Variants in IPO7 observed in about 807,000 individuals in gnomAD.
IPO7 encodes importin-7.
In IPO7, 13 loss-of-function variants were observed where a neutral mutation model predicts 136.4. That is an observed-to-expected ratio of 0.10 (90% CI 0.06 to 0.15). The LOEUF is 0.15. IPO7 is among the 10% of genes least tolerant of loss of function. The pLI, the probability that IPO7 is intolerant of heterozygous loss-of-function variation, is 1.00. For missense variants in IPO7, 857 were observed against 1,240.6 expected, an observed-to-expected ratio of 0.69 and a Z score of 4.65; for synonymous variants, 403 against 404.4, an observed-to-expected ratio of 1.00 and a Z score of 0.04.
At chr11:9,424,497 G>A (rs1377326663) in intron 10 of IPO7, among the ~76,000 whole-genome samples, 2 of 152,178 alleles carry the variant, frequency 1.3e-5, no homozygotes, top group Non-Finnish European at 2.9e-5. Context: ...AAATCCCAAC[G>A]TGTTGGGAGG....
intron 18 of IPO7, among the ~76,000 whole-genome samples, chr11:9,434,588 G>C (rs1855344539): frequency 6.6e-6 from 1 of 152,124 alleles, no homozygotes; most frequent in African/African-American, 2.4e-5. Flanking sequence ...TTCAGTCCGG[G>C]AGTTCTCAAC....
rs561228838 is a variant in IPO7, at chr11:9,420,238, A to G, written c.727-173A>G. Reference sequence around the variant, plus strand: ...AGGCTGAGGCGGGAGAATTGTGTGAACTCGGGAGGCGGAGCTTGCAGTGAG... The same window carrying G: ...AGGCTGAGGCGGGAGAATTGTGTGAGCTCGGGAGGCGGAGCTTGCAGTGAG... On this transcript the variant is annotated intron_variant, in intron 6 of 24. Transcript: ENST00000379719. 1.3e-4 allele frequency: 65 copies of G among 518,904 alleles called. No homozygotes were observed. In the East Asian group the frequency reaches 2.0e-3, roughly 16 times the overall value. The allele number at this position is 518,904 out of a possible 1,614,324, so 32.1% of individuals were successfully genotyped here.
In IPO7 at chr11:9,431,011, G is replaced by A. The variant is rs1429015304; in HGVS notation, c.1881+8G>A. ...GTTGAAGATCATAAAGAGGTAAGAA[G>A]ATGATCTAGTGTTGCAGTTTTTCAA... On this transcript the variant is annotated splice_region_variant and intron_variant, in intron 16 of 24. Transcript: ENST00000379719. The A allele has an allele frequency of 6.2e-7, 1 of 1,610,978 alleles. No homozygotes were observed. Among genetic ancestry groups the A allele is most frequent in the Non-Finnish European group, 8.5e-7 (1 of 1,177,800 alleles).
intron 1 of IPO7, among the ~76,000 whole-genome samples, chr11:9,396,553 CAT>C (rs779512238): frequency 1.3e-5 from 2 of 152,130 alleles, no homozygotes; most frequent in Non-Finnish European, 2.9e-5. Flanking sequence ...AAAGAAAATT[CAT>C]ATCTTACCAG....
intron 1 of IPO7, among the ~76,000 whole-genome samples, chr11:9,402,156 CT>C (rs1051873213): frequency 1.3e-5 from 2 of 152,196 alleles, no homozygotes; most frequent in South Asian, 4.1e-4. Flanking sequence ...AATCCCAACA[CT>C]TTGGGAGGCC....
At position 9,406,729 on chromosome 11, in the gene IPO7, C is replaced by T. The variant is rs143072708; in HGVS notation, c.167-1757C>T. ...CTACTAAAAATACAAAAAAATTAGCCGGGTGGTAGTGGCATGCACCTGTAA... is the reference window on the plus strand; with the variant it reads ...CTACTAAAAATACAAAAAAATTAGCTGGGTGGTAGTGGCATGCACCTGTAA... On this transcript the variant is annotated intron_variant, in intron 2 of 24. Transcript: ENST00000379719. Among the ~76,000 whole-genome samples, 39 of 151,946 alleles carry T rather than the reference C, an allele frequency of 2.6e-4. No individual in the cohort carries two copies. The East Asian group carries it at 4.8e-3, about 19-fold the overall frequency.
Position 9,446,136 on chromosome 11 carries a change from T to A in IPO7, c.*942T>A, listed in dbSNP as rs1855524305. ...AAAGGTGGTATCTAGAGCATGTAAA[T>A]TGGATATAAAGTTCTGCTCTTAAAG... On this transcript the variant is annotated 3_prime_UTR_variant, in exon 25 of 25. Transcript: ENST00000379719. 1 of 152,218 alleles carries A rather than the reference T, an allele frequency of 6.6e-6. No homozygotes were observed. Among genetic ancestry groups the A allele is most frequent in the Admixed American group, 6.5e-5 (1 of 15,272 alleles). The allele number at this position is 152,218 out of a possible 1,614,324, so 9.4% of individuals were successfully genotyped here.
chr11:9,403,259 G>C lies in IPO7; in HGVS notation c.85-31G>C, dbSNP rs775568418. Reference sequence around the variant, plus strand: ...TAATTTTAAAGTATATTTATTTGCAGAAGTTTAAAATGGACTTTTTTTCTT... The same window carrying C: ...TAATTTTAAAGTATATTTATTTGCACAAGTTTAAAATGGACTTTTTTTCTT... On this transcript the variant is annotated intron_variant, in intron 1 of 24. Coordinates refer to ENST00000379719, the MANE Select transcript of IPO7 (RefSeq NM_006391.3). 38 of 1,437,944 alleles carry C rather than the reference G, an allele frequency of 2.6e-5. No homozygotes were observed. In the South Asian group the frequency reaches 4.2e-4, roughly 16 times the overall value. The allele number at this position is 1,437,944 out of a possible 1,614,324, so 89.1% of individuals were successfully genotyped here.
rs764664283 is a variant in IPO7 at position 9,428,507 on chromosome 11, CTG to C, written c.1336-31_1336-30del. 36 of 885,534 alleles carry C rather than the reference CTG, an allele frequency of 4.1e-5. 1 individual carries two copies. Among genetic ancestry groups the C allele is most frequent in the Middle Eastern group, 3.1e-4 (1 of 3,236 alleles). The allele number at this position is 885,534 out of a possible 1,614,324, so 54.9% of individuals were successfully genotyped here. The stretch of plus-strand genomic sequence containing the variant: ...GAAATTGAGATGATTATATTTGGAA[CTG>C]TATCAAAATAACTGTTGTTTATATT... On this transcript the variant is annotated intron_variant, in intron 12 of 24. Transcript: ENST00000379719.
chr11:9,407,528 C>T (rs1442284806), intron 2 of IPO7, among the ~76,000 whole-genome samples: 1 of 152,130 alleles, frequency 6.6e-6, no homozygotes, highest in Non-Finnish European at 1.5e-5. Context: ...GCACTCCAGC[C>T]TGGTGACAGA....
chr11:9,415,675 A>T (rs1207367202), intron 5 of IPO7, among the ~76,000 whole-genome samples: 1 of 151,956 alleles, frequency 6.6e-6, no homozygotes, highest in East Asian at 1.9e-4. Flanking sequence ...TGTCTCTACT[A>T]AAAATACAAA....
intron 24 of IPO7, among the ~76,000 whole-genome samples, chr11:9,443,591 CAA>C (rs55819044): frequency 1.4e-3 from 97 of 69,462 alleles, no homozygotes; most frequent in African/African-American, 3.3e-3. Context: ...AACTCCGTCT[CAA>C]AAAAAAAAAA....
At chr11:9,400,426 ATTTT>A (rs112285427) in intron 1 of IPO7, among the ~76,000 whole-genome samples, 10 of 146,652 alleles carry the variant, frequency 6.8e-5, no homozygotes, top group Non-Finnish European at 1.5e-5. Context: ...TAAATAAGTA[ATTTT>A]TTTTTTTTTC....
At chr11:9,437,348 A>G (rs12296086) in intron 20 of IPO7, among the ~76,000 whole-genome samples, 14,819 of 77,926 alleles carry the variant, frequency 0.19, 963 homozygotes, top group African/African-American at 0.24. Context: ...TCTGCCTCCC[A>G]GGTTCACGCC....
At chr11:9,426,909 G>A (rs890581632) in intron 12 of IPO7, among the ~76,000 whole-genome samples, 74 of 149,440 alleles carry the variant, frequency 5.0e-4, no homozygotes, top group Non-Finnish European at 8.9e-4. Flanking sequence ...CCGCCTCCCC[G>A]CCCCCCCGCC....
Position 9,445,284 on chromosome 11 carries a change from CT to C in IPO7, c.*91del. ...CCAGAACTGGTTCATGTTATCTATT[CT>C]AAACTAATAATCAATAGATGGACAA... is the stretch of plus-strand genomic sequence containing the variant. On this transcript the variant is annotated 3_prime_UTR_variant, in exon 25 of 25. Transcript: ENST00000379719. 1 of 631,548 alleles carries C rather than the reference CT, an allele frequency of 1.6e-6. No individual in the cohort carries two copies. Among genetic ancestry groups the C allele is most frequent in the Non-Finnish European group, 2.8e-6 (1 of 362,204 alleles). The allele number at this position is 631,548 out of a possible 1,614,324, so 39.1% of individuals were successfully genotyped here.
intron 4 of IPO7, among the ~76,000 whole-genome samples, chr11:9,413,581 TCTAA>T (rs1450932952): frequency 6.6e-6 from 1 of 151,884 alleles, no homozygotes; most frequent in Non-Finnish European, 1.5e-5. Flanking sequence ...TAGGTTCATG[TCTAA>T]CTATGTAATA....
chr11:9,408,392 A>C, intron 2 of IPO7, 94 bp from the exon 3 acceptor site: 2 of 651,268 alleles, frequency 3.1e-6, no homozygotes, highest in Non-Finnish European at 4.7e-6. Context: ...TACAAACGGT[A>C]GTGTGAAAGA....
chr11:9,410,208 T>C (rs1370322541), intron 4 of IPO7, 122 bp downstream of exon 4: 5 of 607,604 alleles, frequency 8.2e-6, no homozygotes, highest in Non-Finnish European at 1.2e-5. Context: ...AATTATATGG[T>C]AATTTCAATT....
Sources: allele counts gnomAD v4.1 joint callset (sites outside exome capture counted in the v4.1 genomes callset), GRCh38; gene constraint gnomAD v4.1.1; transcripts MANE v1.5; gene names NCBI Gene and HGNC (gene_info 2026-07-23, HGNC 2026-07-21).